Variants in COPS5 observed in about 807,000 individuals in gnomAD.
COPS5 encodes the protein COP9 signalosome complex subunit 5.
A neutral mutation model predicts 44.4 loss-of-function variants in COPS5; 8 were observed. The observed-to-expected ratio is 0.18, with a 90% CI of 0.11 to 0.32. The LOEUF (loss-of-function observed/expected upper bound fraction) is 0.32, where lower values mean the gene tolerates loss of function less well. Among genes scored for constraint, COPS5 ranks in the 10% least tolerant of loss-of-function variants. COPS5 has a pLI of 1.00. For synonymous variants in COPS5, 122 were observed against 142.8 expected (o/e 0.85, Z 1.04); for missense variants, 159 against 406.4 (o/e 0.39, Z 5.23).
At position 67,061,794 on chromosome 8, in the gene COPS5, T is replaced by A. The variant is rs536390600; in HGVS notation, c.143+60A>T. The A allele has an allele frequency of 1.7e-5, 27 of 1,560,894 alleles. No homozygotes were observed. In the African/African-American group the frequency reaches 3.3e-4, roughly 19 times the overall value. ...CACCCCTTTCACCTCCCTCTCCCTC[T>A]GGGTCTCTTAAACTCCGCCACCCTT... On this transcript the variant is annotated intron_variant, in intron 1 of 7. Coordinates refer to ENST00000357849, the MANE Select transcript of COPS5 (RefSeq NM_006837.3).
At chr8:67,053,119 TCA>T (rs1804443873) in intron 5 of COPS5, among the ~76,000 whole-genome samples, 1 of 151,922 alleles carries the variant, frequency 6.6e-6, no homozygotes. Context: ...AGCCGCAATC[TCA>T]CTCTGTCACT....
intron 5 of COPS5, among the ~76,000 whole-genome samples, chr8:67,055,758 T>C (rs1804494439): frequency 1.3e-5 from 2 of 148,872 alleles, no homozygotes; most frequent in African/African-American, 5.0e-5. Flanking sequence ...CCCAGCTACT[T>C]GGGAGGCTGA....
In COPS5 at chr8:67,059,445, A is replaced by G; in HGVS notation, c.144T>C (p.Asp48=). The change falls in exon 2 of 8, where the codon GAT becomes GAC. Residue 48 remains aspartate, a splice_region_variant and synonymous_variant. Coordinates refer to ENST00000357849, the MANE Select transcript of COPS5 (RefSeq NM_006837.3). ...TTTTGCAGTACTTAAAGTAATGGTG[A>G]CTGCAAAACAAAATCACAATGTAAT... ...EILAAKPWTK[D]HHYFKYCKIS... 6.3e-7 allele frequency: 1 copy of G among 1,599,552 alleles called. No individual in the cohort carries two copies. The highest frequency in any genetic ancestry group is 1.1e-5 in the South Asian group (1 of 90,594).
intron 4 of COPS5, among the ~76,000 whole-genome samples, chr8:67,057,117 A>C (rs1279852392): frequency 6.6e-6 from 1 of 152,226 alleles, no homozygotes; most frequent in African/African-American, 2.4e-5. Flanking sequence ...TATTTTGTAA[A>C]TATTATTGAA....
rs1423213563 is a variant in COPS5, at chr8:67,046,419, GT to G, written c.772-460del. 2.0e-5 allele frequency among the ~76,000 whole-genome samples: 3 copies of G among 152,238 alleles called. No individual in the cohort carries two copies. In the East Asian group the frequency reaches 5.8e-4, roughly 29 times the overall value. On this transcript the variant is annotated intron_variant, in intron 6 of 7. Coordinates refer to ENST00000357849, the MANE Select transcript of COPS5 (RefSeq NM_006837.3). ...TAATGCATATAAAGTTTTTGGGACTGTTCATGACACCTAGTAAAGGCTTAGT... is the reference window on the plus strand; with the variant it reads ...TAATGCATATAAAGTTTTTGGGACTGTCATGACACCTAGTAAAGGCTTAGT...
intron 2 of COPS5, among the ~76,000 whole-genome samples, chr8:67,058,707 T>C (rs535615293): frequency 4.6e-5 from 7 of 151,400 alleles, no homozygotes; most frequent in Non-Finnish European, 8.9e-5. Flanking sequence ...AAAAAAAAAA[T>C]AAAATCCATG....
chr8:67,057,328 C>T (rs1455034796), intron 4 of COPS5, 52 bp downstream of exon 4: 11 of 1,253,296 alleles, frequency 8.8e-6, no homozygotes, highest in Non-Finnish European at 1.1e-5. Context: ...CCACTGTACT[C>T]CAGCCTAGGT....
intron 6 of COPS5, among the ~76,000 whole-genome samples, chr8:67,049,558 T>C (rs536738479): frequency 1.4e-4 from 21 of 152,358 alleles, no homozygotes; most frequent in African/African-American, 3.8e-4. Context: ...TGTGCCTCCA[T>C]ATTCTGGGAG....
At chr8:67,050,159 G>T (rs1452654561) in intron 6 of COPS5, among the ~76,000 whole-genome samples, 2 of 151,944 alleles carry the variant, frequency 1.3e-5, no homozygotes, top group Non-Finnish European at 2.9e-5. Context: ...CCACCACCTC[G>T]CCCGGCTAAT....
intron 1 of COPS5, 91 bp downstream of exon 1, chr8:67,061,763 G>C: frequency 7.6e-7 from 1 of 1,313,726 alleles, no homozygotes; most frequent in South Asian, 1.3e-5. Context: ...GTCGGTGAAA[G>C]CTCTTCACCC....
At chr8:67,061,260 G>A (rs1804612498) in intron 1 of COPS5, 1 of 346,894 alleles carries the variant, frequency 2.9e-6, no homozygotes, top group Non-Finnish European at 5.6e-6. Flanking sequence ...AGACCAGGTA[G>A]TAGAGCCTCC....
intron 6 of COPS5, among the ~76,000 whole-genome samples, chr8:67,047,385 C>T (rs1816714782): frequency 6.6e-6 from 1 of 152,114 alleles, no homozygotes; most frequent in Non-Finnish European, 1.5e-5. Context: ...AATGTATTTT[C>T]CTCCCACAGA....
Position 67,061,970 on chromosome 8 carries a change from G to C in COPS5, c.27C>G (p.Ala9=), listed in dbSNP as rs11557199. 6 of 1,614,072 alleles carry C rather than the reference G, an allele frequency of 3.7e-6. No individual in the cohort carries two copies. The Admixed American group carries it at 1.0e-4, about 27-fold the overall frequency. The change falls in exon 1 of 8, where the codon GCC becomes GCG. Residue 9 remains alanine, a synonymous_variant. Coordinates refer to ENST00000357849, the MANE Select transcript of COPS5 (RefSeq NM_006837.3). MAASGSGM[A]QKTWELANNM... ...TGTTGGCCAGTTCCCAGGTTTTCTG[G>C]GCCATACCGCTCCCGGACGCCGCCA... is the stretch of plus-strand genomic sequence containing the variant.
At chr8:67,056,653 ATATATATATATATATATAT>A (rs1264682669) in intron 4 of COPS5, 49 bp from the exon 5 acceptor site, 864 of 20,756 alleles carry the variant, frequency 0.042, 138 homozygotes, top group Middle Eastern at 0.083. Context: ...AAAAAAAAAA[ATATATATATATATATATAT>A]ATATATATAT....
intron 2 of COPS5, 133 bp downstream of exon 2, chr8:67,059,078 C>T (rs964928539): frequency 6.0e-5 from 36 of 601,088 alleles, no homozygotes; most frequent in South Asian, 9.4e-5. Flanking sequence ...TAATCTCGTA[C>T]ATTTTACATA....
chr8:67,061,263 G>A (rs748067233), intron 1 of COPS5: 36 of 349,680 alleles, frequency 1.0e-4, no homozygotes, highest in Non-Finnish European at 1.6e-4. Flanking sequence ...CCAGGTAGTA[G>A]AGCCTCCGTG....
At chr8:67,061,795 G>T in intron 1 of COPS5, 59 bp downstream of exon 1, 1 of 1,560,020 alleles carries the variant, frequency 6.4e-7, no homozygotes. Context: ...CTCTCCCTCT[G>T]GGTCTCTTAA....
At chr8:67,060,135 A>G (rs1307121398) in intron 1 of COPS5, 1 of 183,930 alleles carries the variant, frequency 5.4e-6, no homozygotes, top group Admixed American at 5.6e-5. Flanking sequence ...ATTAAAAAGT[A>G]GCCCTAATAT....
chr8:67,061,944 T>C lies in COPS5; in HGVS notation c.53A>G (p.Asn18Ser). The change falls in exon 1 of 8, where the codon AAC (asparagine) becomes AGC (serine). Residue 18 changes from asparagine (N) to serine (S), a missense_variant. By Grantham distance (46) the Asn-to-Ser change is conservative. Coordinates refer to ENST00000357849, the MANE Select transcript of COPS5 (RefSeq NM_006837.3). Reference sequence around the variant, plus strand: ...ATCGATACTCTGAGCTTCCTGCATGTTGTTGGCCAGTTCCCAGGTTTTCTG... The same window carrying C: ...ATCGATACTCTGAGCTTCCTGCATGCTGTTGGCCAGTTCCCAGGTTTTCTG... ...MAQKTWELAN[N>S]MQEAQSIDEI... 6.2e-7 allele frequency: 1 copy of C among 1,614,218 alleles called. No homozygotes were observed. The highest frequency in any genetic ancestry group is 1.1e-5 in the South Asian group (1 of 91,086).
Sources: allele counts gnomAD v4.1 joint callset (sites outside exome capture counted in the v4.1 genomes callset), GRCh38; gene constraint gnomAD v4.1.1; transcripts MANE v1.5; gene names NCBI Gene and HGNC (gene_info 2026-07-23, HGNC 2026-07-21).